NYAP2: variants seen among roughly 807,000 people sequenced by gnomAD.
NYAP2 encodes neuronal tyrosine-phosphorylated phosphoinositide-3-kinase adapter 2.
In NYAP2, 23 loss-of-function variants were observed where a neutral mutation model predicts 50.4. That is an observed-to-expected ratio of 0.46 (90% CI 0.33 to 0.65). The LOEUF (loss-of-function observed/expected upper bound fraction) is 0.65, where lower values mean the gene tolerates loss of function less well. Among genes scored for constraint, NYAP2 ranks in the 30% least tolerant of loss-of-function variants. NYAP2 has a pLI of 0.02. For missense variants in NYAP2, 885 were observed against 861.0 expected (o/e 1.03, Z -0.35); for synonymous variants, 394 against 365.2 (o/e 1.08, Z -0.90).
chr2:225,452,671 A>G (rs879478370), intron 3 of NYAP2, among the ~76,000 whole-genome samples: 4 of 152,196 alleles, frequency 2.6e-5, no homozygotes, highest in Non-Finnish European at 5.9e-5. Context: ...AAGAGTGCCT[A>G]GAGTGTTATG....
chr2:225,497,596 C>A (rs1690530280), intron 3 of NYAP2, among the ~76,000 whole-genome samples: 1 of 152,168 alleles, frequency 6.6e-6, no homozygotes, highest in Admixed American at 6.5e-5. Flanking sequence ...AAAACCTGAC[C>A]TGGGTTTATA....
At chr2:225,413,054 A>G (rs546512603) in intron 3 of NYAP2, among the ~76,000 whole-genome samples, 2 of 152,314 alleles carry the variant, frequency 1.3e-5, no homozygotes, top group Admixed American at 6.5e-5. Flanking sequence ...TGAAAAATGT[A>G]GTATGTGTCT....
chr2:225,542,443 T>C (rs552502031), intron 4 of NYAP2, among the ~76,000 whole-genome samples: 39 of 152,252 alleles, frequency 2.6e-4, no homozygotes, highest in Non-Finnish European at 4.7e-4. Flanking sequence ...AGTATGTTCC[T>C]TCTACACCCA....
exon 7 of NYAP2, chr2:225,652,810 G>A (rs372479375): frequency 3.2e-4 from 48 of 152,080 alleles, no homozygotes; most frequent in African/African-American, 1.1e-3. Context: ...GAATAATTGC[G>A]TTTTCTTCTA....
chr2:225,567,730 G>A (rs1691986327), intron 4 of NYAP2, among the ~76,000 whole-genome samples: 1 of 152,078 alleles, frequency 6.6e-6, no homozygotes, highest in African/African-American at 2.4e-5. Flanking sequence ...ACAAGAACAG[G>A]GGAAATGTCT....
At chr2:225,573,836 C>T (rs1249477296) in intron 4 of NYAP2, among the ~76,000 whole-genome samples, 1 of 152,148 alleles carries the variant, frequency 6.6e-6, no homozygotes, top group South Asian at 2.1e-4. Flanking sequence ...AGTCCTCTTA[C>T]ATCTAAGACT....
chr2:225,527,413 G>T (rs1691171659), intron 4 of NYAP2, among the ~76,000 whole-genome samples: 1 of 152,096 alleles, frequency 6.6e-6, no homozygotes, highest in Non-Finnish European at 1.5e-5. Flanking sequence ...TTCAATCTAG[G>T]GTGTCAGCTG....
intron 5 of NYAP2, among the ~76,000 whole-genome samples, chr2:225,625,367 TA>T (rs963838059): frequency 1.3e-5 from 2 of 152,156 alleles, no homozygotes; most frequent in African/African-American, 4.8e-5. Context: ...AACCATTTTT[TA>T]AAAACGCAAA....
chr2:225,546,164 G>A (rs1270782932), intron 4 of NYAP2, among the ~76,000 whole-genome samples: 1 of 152,056 alleles, frequency 6.6e-6, no homozygotes, highest in Non-Finnish European at 1.5e-5. Flanking sequence ...CTCTCCTAGG[G>A]CCCATTGTAA....
At chr2:225,487,171 T>G (rs1690315034) in intron 3 of NYAP2, among the ~76,000 whole-genome samples, 1 of 152,020 alleles carries the variant, frequency 6.6e-6, no homozygotes, top group Non-Finnish European at 1.5e-5. Context: ...GCACCAGGAG[T>G]CAGTAAATGC....
Position 225,424,401 on chromosome 2 carries a change from CT to C in NYAP2, c.221+15302del, listed in dbSNP as rs1320923401. Reference sequence around the variant, plus strand: ...ACTTAATAAGTAATGTAGCACAACACTTCTAAGTACTGTAAGAAGAGTCATC... The same window carrying C: ...ACTTAATAAGTAATGTAGCACAACACTCTAAGTACTGTAAGAAGAGTCATC... On this transcript the variant is annotated intron_variant, in intron 3 of 6. Transcript: ENST00000636099. Among the ~76,000 whole-genome samples the C allele has an allele frequency of 2.0e-5, 3 of 152,026 alleles. No homozygotes were observed. In the East Asian group the frequency reaches 5.8e-4, roughly 29 times the overall value.
At chr2:225,607,840 C>T (rs754048471) in intron 5 of NYAP2, among the ~76,000 whole-genome samples, 3 of 152,024 alleles carry the variant, frequency 2.0e-5, no homozygotes, top group Non-Finnish European at 4.4e-5. Flanking sequence ...ATATTTAATG[C>T]GGTAAATTAT....
At chr2:225,444,895 G>A (rs1689527281) in intron 3 of NYAP2, among the ~76,000 whole-genome samples, 1 of 152,170 alleles carries the variant, frequency 6.6e-6, no homozygotes, top group African/African-American at 2.4e-5. Context: ...TCATAAAATT[G>A]AAGAGAGAAA....
At chr2:225,552,394 T>C (rs934021871) in intron 4 of NYAP2, among the ~76,000 whole-genome samples, 1 of 152,192 alleles carries the variant, frequency 6.6e-6, no homozygotes, top group Admixed American at 6.5e-5. Context: ...TACCATCCTG[T>C]GATGGACTGA....
chr2:225,573,925 T>A (rs562209404), intron 4 of NYAP2, among the ~76,000 whole-genome samples: 66 of 152,248 alleles, frequency 4.3e-4, no homozygotes, highest in African/African-American at 1.5e-3. Context: ...GGGAGATAGA[T>A]CTTATCTATT....
At chr2:225,539,122 T>C (rs1377154284) in intron 4 of NYAP2, among the ~76,000 whole-genome samples, 1 of 152,156 alleles carries the variant, frequency 6.6e-6, no homozygotes, top group Non-Finnish European at 1.5e-5. Flanking sequence ...TGTGTTAGTT[T>C]GCTGAGAATG....
At chr2:225,461,040 C>G (rs914074416) in intron 3 of NYAP2, among the ~76,000 whole-genome samples, 2 of 145,850 alleles carry the variant, frequency 1.4e-5, no homozygotes, top group African/African-American at 2.5e-5. Context: ...AAGAGAATAT[C>G]AGTGATCATT....
rs572032886 is a variant in NYAP2 at position 225,543,806 on chromosome 2, G to A, written c.523+30134G>A. Among the ~76,000 whole-genome samples, 627 of 152,080 alleles carry A rather than the reference G, an allele frequency of 4.1e-3. 3 individuals are homozygous for A. The highest frequency in any genetic ancestry group is 0.014 in the Middle Eastern group (4 of 294). Reference sequence around the variant, plus strand: ...TTCTATAGTTCAGATTAAGTCCGATGTTTGTTGACTTTCCGTCTGGGAGAT... The same window carrying A: ...TTCTATAGTTCAGATTAAGTCCGATATTTGTTGACTTTCCGTCTGGGAGAT... On this transcript the variant is annotated intron_variant, in intron 4 of 6. Transcript: ENST00000636099.
rs528885181 is a variant in NYAP2, at chr2:225,563,097, C to G, written c.524-18844C>G. Among the ~76,000 whole-genome samples the G allele has an allele frequency of 2.6e-4, 40 of 152,206 alleles. No individual in the cohort carries two copies. The Middle Eastern group carries it at 0.01, about 39-fold the overall frequency. ...TTGCAAAAGATTCTAATTTTATTAT[C>G]AAGCAGGCACTGTGCTTGGAGCTGG... On this transcript the variant is annotated intron_variant, in intron 4 of 6. Coordinates refer to ENST00000636099, the Ensembl canonical transcript of NYAP2.
Sources: gnomAD v4.1 joint callset for allele counts (sites outside exome capture counted in the v4.1 genomes callset) on GRCh38, gnomAD v4.1.1 for gene constraint, MANE v1.5 for transcripts, NCBI Gene and HGNC (gene_info 2026-07-23, HGNC 2026-07-21) for gene names.